Variants in DCLK2 observed in about 807,000 individuals in gnomAD.
The protein encoded by DCLK2 is serine/threonine-protein kinase DCLK2.
A neutral mutation model predicts 78.4 loss-of-function variants in DCLK2; 31 were observed. The observed-to-expected ratio is 0.40, with a 90% CI of 0.30 to 0.53. The LOEUF (loss-of-function observed/expected upper bound fraction) is 0.53, where lower values mean the gene tolerates loss of function less well. Ranked by LOEUF, DCLK2 falls within the 20% of genes least tolerant of loss-of-function variation. DCLK2 has a pLI of 0.61. For missense variants in DCLK2, 872 were observed against 973.7 expected, an observed-to-expected ratio of 0.90 and a Z score of 1.39; for synonymous variants, 407 against 374.9, an observed-to-expected ratio of 1.09 and a Z score of -0.99.
At chr4:150,100,478 C>T (rs1730810574) in intron 1 of DCLK2, among the ~76,000 whole-genome samples, 1 of 152,126 alleles carries the variant, frequency 6.6e-6, no homozygotes, top group East Asian at 1.9e-4. Flanking sequence ...CATTGTTACT[C>T]TTTATGTTGG....
Position 150,232,772 on chromosome 4 carries a change from A to G in DCLK2, c.1510A>G (p.Arg504Gly). 1 of 1,614,162 alleles carries G rather than the reference A, an allele frequency of 6.2e-7. No individual in the cohort carries two copies. The highest frequency in any genetic ancestry group is 8.5e-7 in the Non-Finnish European group (1 of 1,180,010). ...GGTGTACAACTTAGCCAATGCCCTCAGGTATCTCCATGGCCTCAGCATCGT... is the reference window on the plus strand; with the variant it reads ...GGTGTACAACTTAGCCAATGCCCTCGGGTATCTCCATGGCCTCAGCATCGT... ...AMVYNLANAL[R>G]YLHGLSIVHR... is the part of the protein sequence containing the mutation. The change falls in exon 10 of 16, where the codon AGG becomes GGG. Residue 504 changes from arginine to glycine, a missense_variant. Arg to Gly is a moderately radical substitution (Grantham distance 125, BLOSUM62 -2). Around this residue, in one of 3 missense-constraint regions of DCLK2, gnomAD observed 86 missense variants for 150.3 expected, o/e 0.57. Transcript: ENST00000296550.
At chr4:150,181,371 A>G (rs569362661) in intron 2 of DCLK2, among the ~76,000 whole-genome samples, 41 of 152,160 alleles carry the variant, frequency 2.7e-4, no homozygotes, top group African/African-American at 9.9e-4. Flanking sequence ...AGCGGCTCTC[A>G]GTAGGGGGCA....
intron 5 of DCLK2, among the ~76,000 whole-genome samples, chr4:150,215,705 T>C (rs140398685): frequency 3.4e-4 from 52 of 152,340 alleles, no homozygotes; most frequent in Non-Finnish European, 5.9e-4. Flanking sequence ...TACATAGGCA[T>C]GATTGACAAC....
At chr4:150,085,769 A>G (rs1427849039) in intron 1 of DCLK2, among the ~76,000 whole-genome samples, 6 of 152,168 alleles carry the variant, frequency 3.9e-5, no homozygotes, top group Non-Finnish European at 5.9e-5. Context: ...TACACACCAT[A>G]TCTGTTAGCA....
At chr4:150,236,348 G>C (rs955120791) in intron 10 of DCLK2, among the ~76,000 whole-genome samples, 2 of 152,198 alleles carry the variant, frequency 1.3e-5, no homozygotes, top group Middle Eastern at 3.2e-3. Context: ...GAATGGTGCT[G>C]TGGAATGAAT....
At chr4:150,208,388 GT>G (rs1195375064) in intron 5 of DCLK2, among the ~76,000 whole-genome samples, 24 of 138,072 alleles carry the variant, frequency 1.7e-4, no homozygotes, top group East Asian at 2.1e-4. Context: ...GAGAAACGGA[GT>G]TTTTTTTTTT....
intron 1 of DCLK2, among the ~76,000 whole-genome samples, chr4:150,091,811 T>G (rs925700564): frequency 2.7e-5 from 4 of 145,698 alleles, no homozygotes; most frequent in Admixed American, 2.1e-4. Flanking sequence ...GTGTGTGTAT[T>G]TGTGTTAGGA....
chr4:150,198,731 A>T (rs1240555787), intron 4 of DCLK2, among the ~76,000 whole-genome samples: 1 of 152,180 alleles, frequency 6.6e-6, no homozygotes, highest in African/African-American at 2.4e-5. Context: ...TATAGTAATT[A>T]AGAATAAGCC....
chr4:150,179,320 G>A (rs1019015946), intron 2 of DCLK2, among the ~76,000 whole-genome samples: 1 of 152,118 alleles, frequency 6.6e-6, no homozygotes, highest in East Asian at 1.9e-4. Flanking sequence ...GAGCCACTGC[G>A]CCCAGCCAAG....
chr4:150,144,825 A>T (rs1004418564), intron 2 of DCLK2, among the ~76,000 whole-genome samples: 1 of 152,176 alleles, frequency 6.6e-6, no homozygotes, highest in African/African-American at 2.4e-5. Flanking sequence ...TGGGCTCAAG[A>T]TCCTCCTGCC....
Position 150,169,512 on chromosome 4 carries a change from G to A in DCLK2, c.757-23626G>A, listed in dbSNP as rs1279239019. Among the ~76,000 whole-genome samples, 3 of 152,102 alleles carry A rather than the reference G, an allele frequency of 2.0e-5. No homozygotes were observed. In the East Asian group the frequency reaches 5.8e-4, roughly 29 times the overall value. On this transcript the variant is annotated intron_variant, in intron 2 of 15. Coordinates refer to ENST00000296550, the MANE Select transcript of DCLK2 (RefSeq NM_001040260.4). ...CTTCTCTACTAAAAATATGAAAGTA[G>A]CCAGTGTGGTGGCAGGCACCTGTAA...
At chr4:150,152,974 A>G (rs1735001134) in intron 2 of DCLK2, among the ~76,000 whole-genome samples, 1 of 152,228 alleles carries the variant, frequency 6.6e-6, no homozygotes, top group South Asian at 2.1e-4. Context: ...GAACAAAGGA[A>G]TGACTCAATC....
At chr4:150,111,444 G>C (rs898911653) in intron 2 of DCLK2, among the ~76,000 whole-genome samples, 3 of 152,114 alleles carry the variant, frequency 2.0e-5, no homozygotes, top group African/African-American at 7.2e-5. Context: ...TGTTTACTCT[G>C]ATAATTGCTT....
At chr4:150,171,216 C>T (rs769843709) in intron 2 of DCLK2, among the ~76,000 whole-genome samples, 12 of 152,312 alleles carry the variant, frequency 7.9e-5, no homozygotes, top group East Asian at 1.9e-4. Flanking sequence ...CGCGGTGGCT[C>T]ACGCCTGTAA....
chr4:150,105,017 G>T (rs1731157780), intron 2 of DCLK2, among the ~76,000 whole-genome samples: 2 of 151,982 alleles, frequency 1.3e-5, no homozygotes, highest in Admixed American at 6.6e-5. Flanking sequence ...AATTTAATCT[G>T]GAAAAATAGG....
intron 15 of DCLK2, among the ~76,000 whole-genome samples, chr4:150,250,587 C>A (rs1743702008): frequency 6.6e-6 from 1 of 151,864 alleles, no homozygotes; most frequent in Admixed American, 6.6e-5. Context: ...TCGAATCAGA[C>A]CTGCCAAGGT....
intron 5 of DCLK2, among the ~76,000 whole-genome samples, chr4:150,209,155 C>T (rs1048913638): frequency 2.0e-5 from 3 of 152,218 alleles, no homozygotes; most frequent in African/African-American, 7.2e-5. Context: ...AAGGCTAACG[C>T]CATCCAGCAG....
chr4:150,242,768 T>C (rs1743021819), intron 12 of DCLK2, among the ~76,000 whole-genome samples: 1 of 152,210 alleles, frequency 6.6e-6, no homozygotes, highest in Non-Finnish European at 1.5e-5. Flanking sequence ...TGATGTGCCG[T>C]TAAGCAAATC....
At chr4:150,223,530 G>A (rs951081317) in intron 7 of DCLK2, among the ~76,000 whole-genome samples, 5 of 152,168 alleles carry the variant, frequency 3.3e-5, no homozygotes, top group Non-Finnish European at 7.3e-5. Flanking sequence ...AATCACCTGA[G>A]GTCAGGAGTT....
Sources: gnomAD v4.1 joint callset for allele counts (sites outside exome capture counted in the v4.1 genomes callset) on GRCh38, gnomAD v4.1.1 for gene constraint, gnomAD v4.1.1 regional missense constraint, MANE v1.5 for transcripts, NCBI Gene and HGNC (gene_info 2026-07-23, HGNC 2026-07-21) for gene names.